Variants in CNGB3 observed in about 807,000 individuals in gnomAD.
CNGB3 encodes the protein cyclic nucleotide-gated channel beta-3.
CNGB3 carries 86 observed loss-of-function variants against 92.8 expected under a neutral mutation model. The observed-to-expected ratio is 0.93, with a 90% CI of 0.78 to 1.11. The LOEUF (loss-of-function observed/expected upper bound fraction) is 1.11, where lower values mean the gene tolerates loss of function less well. Among genes scored for constraint, CNGB3 ranks in the 50% least tolerant of loss-of-function variants. CNGB3 has a pLI of 0.00. For synonymous variants in CNGB3, 333 were observed against 332.7 expected (o/e 1.00, Z -0.01); for missense variants, 1,026 against 956.8 (o/e 1.07, Z -0.95).
At position 86,723,229 on chromosome 8, in the gene CNGB3, C is replaced by A. The variant is rs1866906; in HGVS notation, c.338+3302G>T. Among the ~76,000 whole-genome samples, 1,321 of 152,196 alleles carry A rather than the reference C, an allele frequency of 8.7e-3. 24 individuals are homozygous for A. Among genetic ancestry groups the A allele is most frequent in the African/African-American group, 0.03 (1,261 of 41,540 alleles). On this transcript the variant is annotated intron_variant, in intron 3 of 17. Transcript: ENST00000320005. Reference sequence around the variant, plus strand: ...CAGACATAATAATCCCTATTCAGCTCAAGGCTTACGTGAGAAGATAAAGTA... The same window carrying A: ...CAGACATAATAATCCCTATTCAGCTAAAGGCTTACGTGAGAAGATAAAGTA...
intron 3 of CNGB3, among the ~76,000 whole-genome samples, chr8:86,718,260 C>G: frequency 6.6e-6 from 1 of 152,134 alleles, no homozygotes; most frequent in East Asian, 1.9e-4. Flanking sequence ...ATAAAATTCA[C>G]AGAACATTAG....
At chr8:86,635,863 T>TATATATATAC (rs1563735421) in intron 10 of CNGB3, among the ~76,000 whole-genome samples, 2 of 54,944 alleles carry the variant, frequency 3.6e-5, no homozygotes, top group Non-Finnish European at 6.6e-5. Flanking sequence ...TATATATATA[T>TATATATATAC]ACACATACAC....
At chr8:86,632,660 A>G in intron 11 of CNGB3, 92 bp downstream of exon 11, 1 of 1,335,616 alleles carries the variant, frequency 7.5e-7, no homozygotes, top group Non-Finnish European at 1.1e-6. Context: ...AGAACCAGAC[A>G]GATTTTAATT....
At chr8:86,694,683 C>G (rs1326299503) in intron 3 of CNGB3, among the ~76,000 whole-genome samples, 1 of 150,888 alleles carries the variant, frequency 6.6e-6, no homozygotes. Flanking sequence ...TAGAGGCGCT[C>G]CCCACATCTC....
chr8:86,650,980 A>G (rs1187280964), intron 7 of CNGB3, among the ~76,000 whole-genome samples: 1 of 151,796 alleles, frequency 6.6e-6, no homozygotes, highest in Non-Finnish European at 1.5e-5. Flanking sequence ...TAATATTTAG[A>G]CATAAAAAGG....
Position 86,690,216 on chromosome 8 carries a change from C to T in CNGB3, c.339-19118G>A, listed in dbSNP as rs538645783. On this transcript the variant is annotated intron_variant, in intron 3 of 17. Transcript: ENST00000320005. ...TGTTCCTATTTCTCCACATCCTCTCCAGCACCTGTTGTTTCCTGACTTTTT... is the reference window on the plus strand; with the variant it reads ...TGTTCCTATTTCTCCACATCCTCTCTAGCACCTGTTGTTTCCTGACTTTTT... 2.6e-4 allele frequency among the ~76,000 whole-genome samples: 40 copies of T among 152,304 alleles called. 1 individual carries two copies. The South Asian group carries it at 8.3e-3, about 32-fold the overall frequency.
chr8:86,693,210 G>T (rs1376754121), intron 3 of CNGB3, among the ~76,000 whole-genome samples: 1 of 152,036 alleles, frequency 6.6e-6, no homozygotes, highest in Non-Finnish European at 1.5e-5. Flanking sequence ...GTGCCCAAGT[G>T]TTGATCTTTT....
chr8:86,685,623 G>A (rs933145421), intron 3 of CNGB3, among the ~76,000 whole-genome samples: 2 of 152,024 alleles, frequency 1.3e-5, no homozygotes, highest in African/African-American at 4.8e-5. Flanking sequence ...GGCTTTATTA[G>A]GTTCCTTTCA....
rs201401942 is a variant in CNGB3, at chr8:86,589,232, T to C, written c.1782-9980A>G. Among the ~76,000 whole-genome samples, 567 of 150,716 alleles carry C rather than the reference T, an allele frequency of 3.8e-3. 2 individuals are homozygous for C. The highest frequency in any genetic ancestry group is 0.013 in the African/African-American group (535 of 40,898). ...TGTCTATTTGATTCTTCTCTCTTTT[T>C]TTCTTTATTAGTCTTGCTAGCGGTC... On this transcript the variant is annotated intron_variant, in intron 15 of 17. Coordinates refer to ENST00000320005, the MANE Select transcript of CNGB3 (RefSeq NM_019098.5).
intron 3 of CNGB3, among the ~76,000 whole-genome samples, chr8:86,672,818 T>C (rs1823886157): frequency 6.6e-6 from 1 of 152,174 alleles, no homozygotes; most frequent in Non-Finnish European, 1.5e-5. Context: ...TTTATACTTC[T>C]TTCAAAGGTA....
At chr8:86,728,262 G>A (rs1482369046) in intron 2 of CNGB3, among the ~76,000 whole-genome samples, 1 of 152,110 alleles carries the variant, frequency 6.6e-6, no homozygotes, top group Non-Finnish European at 1.5e-5. Flanking sequence ...TTATGTTTAG[G>A]TGAAATATTG....
Position 86,643,812 on chromosome 8 carries a change from A to G in CNGB3, c.1117T>C (p.Trp373Arg), listed in dbSNP as rs145619853. 66 of 1,607,392 alleles carry G rather than the reference A, an allele frequency of 4.1e-5. No individual in the cohort carries two copies. In the African/African-American group the frequency reaches 5.9e-4, roughly 14 times the overall value. The change falls in exon 10 of 18, where the codon TGG becomes CGG. Residue 373 changes from tryptophan (W) to arginine (R), a missense_variant. Physicochemically the swap from Trp to Arg is moderately radical, Grantham distance 101. Transcript: ENST00000320005. ...CCAATTCCTTCATAGTTTGAAGCCC[A>G]GTAATAAACACAGGCATTAATGTGC... Reference protein sequence around the residue: ...ILHINACVYYWASNYEGIGTT... With the variant: ...ILHINACVYYRASNYEGIGTT...
At chr8:86,704,523 T>C (rs1172071815) in intron 3 of CNGB3, 1 of 152,192 alleles carries the variant, frequency 6.6e-6, no homozygotes, top group Non-Finnish European at 1.5e-5. Flanking sequence ...ATGGAAAATC[T>C]TGTTTTTCCC....
chr8:86,675,360 A>C lies in CNGB3; in HGVS notation c.339-4262T>G, dbSNP rs549033646. On this transcript the variant is annotated intron_variant, in intron 3 of 17. Coordinates refer to ENST00000320005, the MANE Select transcript of CNGB3 (RefSeq NM_019098.5). ...AGTACTGGGATTACTGTTGTGAGCC[A>C]CTGTCCCCAGCCAATTCTACAAATT... Among the ~76,000 whole-genome samples the C allele has an allele frequency of 5.3e-4, 81 of 152,260 alleles. 1 individual carries two copies. The South Asian group carries it at 0.015, about 28-fold the overall frequency.
rs1823266760 is a variant in CNGB3 at position 86,644,818 on chromosome 8, C to G, written c.991-132G>C. The G allele has an allele frequency of 8.4e-6, 5 of 593,344 alleles. No individual in the cohort carries two copies. In the East Asian group the frequency reaches 2.0e-4, roughly 24 times the overall value. 36.8% of individuals were successfully genotyped at this position (593,344 alleles called of 1,614,324 possible). On this transcript the variant is annotated intron_variant, in intron 8 of 17. Transcript: ENST00000320005. ...ATGTCTTTTTAAAAAAACCAAGATC[C>G]TGTTTAGTGATATTTTCCTCTGGAC...
In CNGB3 at chr8:86,700,007, C is replaced by A. The variant is rs1041591456; in HGVS notation, c.338+26524G>T. On this transcript the variant is annotated intron_variant, in intron 3 of 17. Transcript: ENST00000320005. Reference sequence around the variant, plus strand: ...CAAGCCAAATAAAATGGCAAGACCCCCACAAAATTTTGTTTAACATGTTCA... The same window carrying A: ...CAAGCCAAATAAAATGGCAAGACCCACACAAAATTTTGTTTAACATGTTCA... Among the ~76,000 whole-genome samples, 12 of 152,170 alleles carry A rather than the reference C, an allele frequency of 7.9e-5. No homozygotes were observed. The East Asian group carries it at 2.1e-3, about 27-fold the overall frequency.
chr8:86,656,788 C>A (rs1346060229), intron 6 of CNGB3, among the ~76,000 whole-genome samples: 1 of 152,046 alleles, frequency 6.6e-6, no homozygotes, highest in Non-Finnish European at 1.5e-5. Context: ...ACAGAAGTTG[C>A]ATCACCAGGG....
intron 2 of CNGB3, among the ~76,000 whole-genome samples, chr8:86,733,153 C>A (rs1825187368): frequency 6.6e-6 from 1 of 151,990 alleles, no homozygotes; most frequent in African/African-American, 2.4e-5. Flanking sequence ...TCCATGAGTA[C>A]CCAGTGTTTA....
At position 86,672,691 on chromosome 8, in the gene CNGB3, C is replaced by A. The variant is rs186548843; in HGVS notation, c.339-1593G>T. Reference sequence around the variant, plus strand: ...AGAAAATCTCAGTATTGAGTATGAGCCCCTCTCCATGAACCCCTTCCCTAC... The same window carrying A: ...AGAAAATCTCAGTATTGAGTATGAGACCCTCTCCATGAACCCCTTCCCTAC... On this transcript the variant is annotated intron_variant, in intron 3 of 17. Coordinates refer to ENST00000320005, the MANE Select transcript of CNGB3 (RefSeq NM_019098.5). 7.7e-4 allele frequency among the ~76,000 whole-genome samples: 118 copies of A among 152,272 alleles called. No individual in the cohort carries two copies. In the East Asian group the frequency reaches 0.02, roughly 25 times the overall value.
Sources: gnomAD v4.1 joint callset for allele counts (sites outside exome capture counted in the v4.1 genomes callset) on GRCh38, gnomAD v4.1.1 for gene constraint, MANE v1.5 for transcripts, NCBI Gene and HGNC (gene_info 2026-07-23, HGNC 2026-07-21) for gene names.